Variants in TXNDC12 observed in about 807,000 individuals in gnomAD.
TXNDC12 encodes the protein thioredoxin domain containing 12.
Under a neutral mutation model 24.2 loss-of-function variants are expected in TXNDC12, and 22 were observed. The ratio of observed to expected loss-of-function variants is 0.91; its 90% confidence interval spans 0.65 to 1.30. TXNDC12 has a LOEUF of 1.30. TXNDC12 is among the 50% of genes most tolerant of loss of function. TXNDC12 has a pLI of 0.00. For synonymous variants in TXNDC12, 58 were observed against 73.4 expected, an observed-to-expected ratio of 0.79 and a Z score of 1.07; for missense variants, 184 against 205.8, an observed-to-expected ratio of 0.89 and a Z score of 0.65.
At chr1:52,047,520 A>G (rs1686121133) in intron 1 of TXNDC12, among the ~76,000 whole-genome samples, 1 of 152,222 alleles carries the variant, frequency 6.6e-6, no homozygotes, top group African/African-American at 2.4e-5. Context: ...AAGAATAGTG[A>G]GCAAATAAAC....
intron 2 of TXNDC12, chr1:52,033,171 CT>C (rs1557993098): frequency 6.2e-6 from 10 of 1,614,244 alleles, no homozygotes; most frequent in Admixed American, 3.3e-5. Context: ...CGGACCCATG[CT>C]TTGCAGATTT....
chr1:52,029,407 T>C (rs1685720310), intron 2 of TXNDC12, among the ~76,000 whole-genome samples: 1 of 152,182 alleles, frequency 6.6e-6, no homozygotes, highest in South Asian at 2.1e-4. Flanking sequence ...GGGAGGAAAC[T>C]GTTCACAATG....
chr1:52,055,172 C>T lies in TXNDC12; in HGVS notation c.-76G>A, dbSNP rs1422817615. 3.8e-6 allele frequency: 4 copies of T among 1,039,798 alleles called. No individual in the cohort carries two copies. The highest frequency in any genetic ancestry group is 4.8e-5 in the East Asian group (2 of 41,580). 64.4% of individuals were successfully genotyped at this position (1,039,798 alleles called of 1,614,324 possible). ...CCAGCAGACGGTCCACACAGTTCGC[C>T]GAGCGCCGCTCAGCACAACACCTCT... On this transcript the variant is annotated 5_prime_UTR_variant, in exon 1 of 7. Transcript: ENST00000371626.
At chr1:52,041,456 G>T in intron 2 of TXNDC12, 81 bp downstream of exon 2, 1 of 915,898 alleles carries the variant, frequency 1.1e-6, no homozygotes, top group Non-Finnish European at 1.8e-6. Flanking sequence ...CCTTGGTATA[G>T]CCCTTCACCT....
chr1:52,023,449 T>C, intron 6 of TXNDC12, 42 bp downstream of exon 6: 1 of 1,514,324 alleles, frequency 6.6e-7, no homozygotes. Flanking sequence ...TCATCCTAGT[T>C]CAATCTAGCA....
chr1:52,041,270 T>C (rs1453763566), intron 2 of TXNDC12, among the ~76,000 whole-genome samples: 2 of 151,800 alleles, frequency 1.3e-5, no homozygotes, highest in Admixed American at 6.6e-5. Flanking sequence ...GAGGTGGAGC[T>C]TGCAGTGAGC....
intron 2 of TXNDC12, chr1:52,032,689 T>G: frequency 6.4e-7 from 1 of 1,574,092 alleles, no homozygotes; most frequent in Non-Finnish European, 8.6e-7. Context: ...CCCCCCTACC[T>G]CCTCTGGTCA....
intron 2 of TXNDC12, chr1:52,032,797 C>A (rs370356154): frequency 1.9e-6 from 3 of 1,614,086 alleles, no homozygotes; most frequent in African/African-American, 2.7e-5. Flanking sequence ...AAACTGGCGA[C>A]GAAGGCGACT....
At chr1:52,049,425 A>G (rs968320890) in intron 1 of TXNDC12, among the ~76,000 whole-genome samples, 1 of 152,014 alleles carries the variant, frequency 6.6e-6, no homozygotes, top group Admixed American at 6.6e-5. Flanking sequence ...CCCCGTCTCT[A>G]CTCTACAAAA....
rs1257880151 is a variant in TXNDC12, at chr1:52,036,278, G to A, written c.158+5259C>T. Among the ~76,000 whole-genome samples the A allele has an allele frequency of 1.4e-4, 22 of 152,046 alleles. 1 individual carries two copies. The highest frequency in any genetic ancestry group is 1.4e-3 in the Admixed American group (22 of 15,250). On this transcript the variant is annotated intron_variant, in intron 2 of 6. Transcript: ENST00000371626. ...TTATATATTGTATTCTTACAATAAA[G>A]TAAACTAGAGAAAAGAAAATGTTAT...
intron 3 of TXNDC12, 98 bp from the exon 4 acceptor site, chr1:52,027,446 G>C: frequency 1.0e-6 from 1 of 975,488 alleles, no homozygotes; most frequent in South Asian, 1.5e-5. Flanking sequence ...GGTAGTTTAG[G>C]CATTTGTTTA....
rs774908086 is a variant in TXNDC12, at chr1:52,023,486, T to C, written c.439+5A>G. On this transcript the variant is annotated splice_donor_5th_base_variant and intron_variant, in intron 6 of 6. Coordinates refer to ENST00000371626, the MANE Select transcript of TXNDC12 (RefSeq NM_015913.4). The stretch of plus-strand genomic sequence containing the variant: ...TAATCCTCCCTCCCTTCAGCATAAC[T>C]ATACCTTGCTCGGCACTGACATAAA... The C allele has an allele frequency of 6.2e-7, 1 of 1,611,886 alleles. No homozygotes were observed. Among genetic ancestry groups the C allele is most frequent in the Admixed American group, 1.7e-5 (1 of 60,022 alleles).
At chr1:52,026,367 G>C (rs1023220206) in intron 4 of TXNDC12, among the ~76,000 whole-genome samples, 1 of 152,088 alleles carries the variant, frequency 6.6e-6, no homozygotes. Context: ...CCAACTCTAA[G>C]ATCTGACATT....
In TXNDC12 at chr1:52,041,615, T is replaced by G; in HGVS notation, c.98-18A>C. ...TCCAAAACCTGGAAGGAAAGAACTT[T>G]ATAAGCATTCACATAATGAACAAAG... On this transcript the variant is annotated intron_variant, in intron 1 of 6. Transcript: ENST00000371626. The G allele has an allele frequency of 1.3e-6, 2 of 1,580,470 alleles. No homozygotes were observed. The highest frequency in any genetic ancestry group is 1.7e-6 in the Non-Finnish European group (2 of 1,152,438).
chr1:52,051,918 T>A (rs988451006), intron 1 of TXNDC12: 1 of 169,250 alleles, frequency 5.9e-6, no homozygotes, highest in African/African-American at 2.4e-5. Context: ...ACCCAAGAGA[T>A]ACATAAAACA....
intron 1 of TXNDC12, among the ~76,000 whole-genome samples, chr1:52,053,946 G>C (rs986913947): frequency 1.3e-5 from 2 of 152,234 alleles, no homozygotes; most frequent in South Asian, 2.1e-4. Context: ...TTGTTCATGA[G>C]TCTACTCTGT....
Position 52,023,523 on chromosome 1 carries a change from C to T in TXNDC12, c.407G>A (p.Ser136Asn), listed in dbSNP as rs756170758. 2 of 1,614,122 alleles carry T rather than the reference C, an allele frequency of 1.2e-6. No individual in the cohort carries two copies. Among genetic ancestry groups the T allele is most frequent in the Non-Finnish European group, 8.5e-7 (1 of 1,179,988 alleles). ...PEIINENGNP[S>N]YKYFYVSAEQ... ...GGCACTGACATAAAAATACTTGTAGCTGGGGTTTCCATTCTCATTGATGAT... is the reference window on the plus strand; with the variant it reads ...GGCACTGACATAAAAATACTTGTAGTTGGGGTTTCCATTCTCATTGATGAT... Residue 136 changes from serine (S) to asparagine (N), a missense_variant, in exon 6 of 7, where the codon AGC (serine) becomes AAC (asparagine). Coordinates refer to ENST00000371626, the MANE Select transcript of TXNDC12 (RefSeq NM_015913.4).
intron 1 of TXNDC12, among the ~76,000 whole-genome samples, chr1:52,042,021 C>CGT (rs1393625818): frequency 2.0e-5 from 3 of 152,184 alleles, no homozygotes; most frequent in Non-Finnish European, 4.4e-5. Context: ...CTTCCTATTA[C>CGT]GTGTGTGAAT....
At chr1:52,040,690 T>A (rs1030156276) in intron 2 of TXNDC12, among the ~76,000 whole-genome samples, 4 of 152,184 alleles carry the variant, frequency 2.6e-5, no homozygotes, top group African/African-American at 9.7e-5. Flanking sequence ...TCCAATGCAT[T>A]TATTACTGAA....
Sources: gnomAD v4.1 joint callset for allele counts (sites outside exome capture counted in the v4.1 genomes callset) on GRCh38, gnomAD v4.1.1 for gene constraint, MANE v1.5 for transcripts, NCBI Gene and HGNC (gene_info 2026-07-23, HGNC 2026-07-21) for gene names.